TMEM132D: variants seen among roughly 807,000 people sequenced by gnomAD.
TMEM132D encodes the protein transmembrane protein 132D, also known as mature OL transmembrane protein.
In TMEM132D, 21 loss-of-function variants were observed where a neutral mutation model predicts 62.3. The observed-to-expected ratio is 0.34, with a 90% confidence interval of 0.24 to 0.49. TMEM132D has a LOEUF of 0.49. Ranked by LOEUF, TMEM132D falls within the 20% of genes least tolerant of loss-of-function variation. TMEM132D has a pLI of 0.99. For synonymous variants in TMEM132D, 621 were observed against 575.6 expected, an observed-to-expected ratio of 1.08 and a Z score of -1.13; for missense variants, 1,346 against 1,402.8, an observed-to-expected ratio of 0.96 and a Z score of 0.65.
At chr12:129,113,441 C>A (rs574893798) in intron 5 of TMEM132D, 1 of 152,228 alleles carries the variant, frequency 6.6e-6, no homozygotes, top group African/African-American at 2.4e-5. Context: ...CAACTATGAG[C>A]CAGGATTACA....
At chr12:129,599,029 C>G (rs1878419529) in intron 2 of TMEM132D, among the ~76,000 whole-genome samples, 1 of 152,160 alleles carries the variant, frequency 6.6e-6, no homozygotes, top group Non-Finnish European at 1.5e-5. Context: ...TCTCTTTCCC[C>G]TGGGGTTGTT....
intron 3 of TMEM132D, among the ~76,000 whole-genome samples, chr12:129,420,860 T>C (rs7135723): frequency 0.71 from 106,979 of 151,738 alleles, 37,783 homozygotes; most frequent in East Asian, 0.76. Context: ...CCAATACAAT[T>C]GTTAGGTATG....
At chr12:129,320,499 G>A (rs1270055356) in intron 4 of TMEM132D, among the ~76,000 whole-genome samples, 2 of 152,190 alleles carry the variant, frequency 1.3e-5, no homozygotes, top group Admixed American at 1.3e-4. Context: ...TCATAGCTAG[G>A]AAGGGCTAGA....
At chr12:129,584,251 T>A (rs1176121161) in intron 2 of TMEM132D, among the ~76,000 whole-genome samples, 1 of 152,232 alleles carries the variant, frequency 6.6e-6, no homozygotes, top group Admixed American at 6.5e-5. Flanking sequence ...CCAGATGCAA[T>A]TTCTGTCTCT....
chr12:129,611,464 A>G (rs1878772382), intron 2 of TMEM132D, among the ~76,000 whole-genome samples: 1 of 152,168 alleles, frequency 6.6e-6, no homozygotes, highest in Non-Finnish European at 1.5e-5. Flanking sequence ...GGGGTTGTGG[A>G]TATTTTTCCC....
intron 3 of TMEM132D, among the ~76,000 whole-genome samples, chr12:129,498,006 C>T (rs993467341): frequency 9.9e-5 from 15 of 152,088 alleles, no homozygotes; most frequent in Admixed American, 9.8e-4. Context: ...TGACACATTT[C>T]CCAGCTCTGG....
intron 1 of TMEM132D, among the ~76,000 whole-genome samples, chr12:129,885,426 A>T (rs1023784556): frequency 6.6e-6 from 1 of 152,240 alleles, no homozygotes; most frequent in African/African-American, 2.4e-5. Flanking sequence ...CCTTGATTGC[A>T]TATCAGAATC....
At chr12:129,615,106 C>T (rs188844170) in intron 2 of TMEM132D, among the ~76,000 whole-genome samples, 1 of 152,272 alleles carries the variant, frequency 6.6e-6, no homozygotes, top group African/African-American at 2.4e-5. Context: ...TGAGATTGGA[C>T]ACTGCTATCT....
At chr12:129,103,359 C>A (rs79628841) in intron 5 of TMEM132D, among the ~76,000 whole-genome samples, 10,302 of 152,230 alleles carry the variant, frequency 0.068, 1,002 homozygotes, top group African/African-American at 0.21. Context: ...CATTTCACTC[C>A]CTCATGGACA....
At chr12:129,678,382 T>C (rs1880692234) in intron 2 of TMEM132D, among the ~76,000 whole-genome samples, 1 of 152,222 alleles carries the variant, frequency 6.6e-6, no homozygotes, top group African/African-American at 2.4e-5. Context: ...TTTCAATTTG[T>C]ATTTACCTGA....
chr12:129,185,048 C>A (rs953202957), intron 5 of TMEM132D, among the ~76,000 whole-genome samples: 1 of 152,102 alleles, frequency 6.6e-6, no homozygotes, highest in African/African-American at 2.4e-5. Context: ...TATCGTGAGC[C>A]GAGCTGAACC....
chr12:129,366,901 GA>G (rs1870432407), intron 3 of TMEM132D, among the ~76,000 whole-genome samples: 1 of 152,204 alleles, frequency 6.6e-6, no homozygotes, highest in Non-Finnish European at 1.5e-5. Flanking sequence ...TGGTTTTGGG[GA>G]TTTAGGGTGG....
chr12:129,293,191 T>A (rs965672083), intron 4 of TMEM132D, among the ~76,000 whole-genome samples: 2 of 152,078 alleles, frequency 1.3e-5, no homozygotes, highest in Non-Finnish European at 2.9e-5. Context: ...CCAGGAGTAT[T>A]GCAGAAGTAG....
At chr12:129,279,981 C>T (rs1881096682) in intron 4 of TMEM132D, among the ~76,000 whole-genome samples, 1 of 152,140 alleles carries the variant, frequency 6.6e-6, no homozygotes, top group African/African-American at 2.4e-5. Flanking sequence ...GAATGATGTT[C>T]TGCTTATAAG....
intron 3 of TMEM132D, among the ~76,000 whole-genome samples, chr12:129,509,711 G>A (rs1472691972): frequency 6.6e-6 from 1 of 152,016 alleles, no homozygotes; most frequent in African/African-American, 2.4e-5. Flanking sequence ...AAATAAGATG[G>A]AACATGCAAT....
chr12:129,377,739 T>C (rs1369808301), intron 3 of TMEM132D, among the ~76,000 whole-genome samples: 1 of 152,212 alleles, frequency 6.6e-6, no homozygotes, highest in Admixed American at 6.5e-5. Context: ...GTTGAGTATT[T>C]ACAAAGAAAT....
intron 5 of TMEM132D, among the ~76,000 whole-genome samples, chr12:129,152,596 C>A (rs1448390456): frequency 6.6e-6 from 1 of 152,182 alleles, no homozygotes; most frequent in Non-Finnish European, 1.5e-5. Flanking sequence ...CCCGCCCCTG[C>A]AGGCATTTTG....
At chr12:129,296,707 G>A (rs1290783798) in intron 4 of TMEM132D, among the ~76,000 whole-genome samples, 2 of 152,208 alleles carry the variant, frequency 1.3e-5, no homozygotes, top group African/African-American at 2.4e-5. Flanking sequence ...AGCTCAGTCT[G>A]TGTTTCCTGG....
intron 1 of TMEM132D, among the ~76,000 whole-genome samples, chr12:129,786,016 A>G (rs987199494): frequency 6.6e-6 from 1 of 152,206 alleles, no homozygotes; most frequent in Non-Finnish European, 1.5e-5. Flanking sequence ...ATAGTTGATC[A>G]AGGTGATAGC....
Sources: gnomAD v4.1 joint callset for allele counts (sites outside exome capture counted in the v4.1 genomes callset) on GRCh38, gnomAD v4.1.1 for gene constraint, MANE v1.5 for transcripts, NCBI Gene and HGNC (gene_info 2026-07-23, HGNC 2026-07-21) for gene names.